ZFYVE9: variants seen among roughly 807,000 people sequenced by gnomAD.
The protein encoded by ZFYVE9 is zinc finger FYVE-type containing 9.
ZFYVE9 carries 43 observed loss-of-function variants against 126.7 expected under a neutral mutation model. The ratio of observed to expected loss-of-function variants is 0.34; its 90% CI spans 0.27 to 0.44. The LOEUF (loss-of-function observed/expected upper bound fraction) is 0.44. ZFYVE9 is among the 20% of genes least tolerant of loss of function. The pLI is 1.00. For missense variants in ZFYVE9, 1,476 were observed against 1,697.0 expected (o/e 0.87, Z 2.29); for synonymous variants, 521 against 597.4 (o/e 0.87, Z 1.87).
At chr1:52,285,084 C>T (rs566743399) in intron 10 of ZFYVE9, among the ~76,000 whole-genome samples, 1 of 152,168 alleles carries the variant, frequency 6.6e-6, no homozygotes, top group South Asian at 2.1e-4. Flanking sequence ...GTGTTAATGG[C>T]GTACCTAAAT....
At chr1:52,157,615 G>A (rs1042756297) in intron 1 of ZFYVE9, among the ~76,000 whole-genome samples, 13 of 151,698 alleles carry the variant, frequency 8.6e-5, no homozygotes, top group African/African-American at 2.9e-4. Context: ...TGTTGGCCAG[G>A]CTGGTCTTGA....
At chr1:52,175,255 C>T (rs1644614530) in intron 1 of ZFYVE9, among the ~76,000 whole-genome samples, 1 of 150,058 alleles carries the variant, frequency 6.7e-6, no homozygotes, top group African/African-American at 2.5e-5. Context: ...ATTTCTCCTT[C>T]ACTTATGAAG....
At chr1:52,345,132 A>T (rs1274579886) in intron 18 of ZFYVE9, among the ~76,000 whole-genome samples, 188 bp downstream of exon 18, 2 of 152,106 alleles carry the variant, frequency 1.3e-5, no homozygotes, top group African/African-American at 2.4e-5. Context: ...TTCTCTCAGA[A>T]CCATTTGAAC....
chr1:52,247,531 T>G (rs923418001), intron 4 of ZFYVE9, among the ~76,000 whole-genome samples: 13 of 151,768 alleles, frequency 8.6e-5, no homozygotes, highest in Middle Eastern at 3.2e-3. Context: ...GAGTCTCGCT[T>G]CGTTGCCCAG....
At position 52,263,770 on chromosome 1, in the gene ZFYVE9, C is replaced by G; in HGVS notation, c.2179-3C>G. On this transcript the variant is annotated splice_polypyrimidine_tract_variant and splice_region_variant and intron_variant, in intron 4 of 18. Transcript: ENST00000287727. ...TGTGTTCTTCCCCCCCCCCCCCCCACAGGTTTTCTGTGCTTCCTGCTGTAG... is the reference window on the plus strand; with the variant it reads ...TGTGTTCTTCCCCCCCCCCCCCCCAGAGGTTTTCTGTGCTTCCTGCTGTAG... 1 of 1,073,246 alleles carries G rather than the reference C, an allele frequency of 9.3e-7. No individual in the cohort carries two copies. The highest frequency in any genetic ancestry group is 1.3e-6 in the Non-Finnish European group (1 of 773,306). 66.5% of individuals were successfully genotyped at this position (1,073,246 alleles called of 1,614,324 possible).
At chr1:52,289,421 T>C (rs1645896003) in intron 10 of ZFYVE9, among the ~76,000 whole-genome samples, 2 of 152,222 alleles carry the variant, frequency 1.3e-5, no homozygotes, top group Admixed American at 1.3e-4. Context: ...GTAAAATTAC[T>C]TTATAAACCA....
chr1:52,182,817 A>T (rs1266611511), intron 1 of ZFYVE9, among the ~76,000 whole-genome samples: 4 of 147,686 alleles, frequency 2.7e-5, no homozygotes, highest in East Asian at 3.9e-4. Context: ...TATTTCCTTT[A>T]AAAAAAAAAT....
At position 52,278,608 on chromosome 1, in the gene ZFYVE9, G is replaced by C. The variant is rs777723199; in HGVS notation, c.2863G>C (p.Val955Leu). ...AAATTTGTTGTCAATGGTTAAAATT[G>C]TAAATTGTAAGTTATAAATTTTTAA... Reference protein sequence around the residue: ...NANLLSMVKIVNYVNRKCWCF... With the variant: ...NANLLSMVKILNYVNRKCWCF... Residue 955 changes from valine (V) to leucine (L), a missense_variant, in exon 9 of 19, where the codon GTA becomes CTA. This residue lies in a region of ZFYVE9 where 669 missense variants were observed against 902.4 expected (regional missense o/e 0.74). Coordinates refer to ENST00000287727, the MANE Select transcript of ZFYVE9 (RefSeq NM_004799.4). 6.4e-7 allele frequency: 1 copy of C among 1,562,778 alleles called. No individual in the cohort carries two copies. The highest frequency in any genetic ancestry group is 8.7e-7 in the Non-Finnish European group (1 of 1,146,524).
chr1:52,226,886 C>T (rs1283644383), intron 2 of ZFYVE9, among the ~76,000 whole-genome samples: 1 of 152,184 alleles, frequency 6.6e-6, no homozygotes, highest in Non-Finnish European at 1.5e-5. Flanking sequence ...AAGGAGGCAA[C>T]AGATGTGCAT....
At chr1:52,293,390 A>AG in intron 10 of ZFYVE9, 63 bp from the exon 11 acceptor site, 1 of 1,291,136 alleles carries the variant, frequency 7.7e-7, no homozygotes, top group African/African-American at 1.5e-5. Context: ...AAAAAAAAAA[A>AG]AAAAAAAAGA....
At chr1:52,262,712 A>G (rs992054518) in intron 4 of ZFYVE9, among the ~76,000 whole-genome samples, 2 of 152,178 alleles carry the variant, frequency 1.3e-5, no homozygotes, top group African/African-American at 4.8e-5. Context: ...AGTAGAATTT[A>G]TCCTACTGGG....
At chr1:52,234,759 T>G (rs989151792) in intron 3 of ZFYVE9, among the ~76,000 whole-genome samples, 1 of 152,216 alleles carries the variant, frequency 6.6e-6, no homozygotes, top group African/African-American at 2.4e-5. Flanking sequence ...CATTGGGGTT[T>G]TACATCATCC....
rs1646421616 is a variant in ZFYVE9, at chr1:52,340,180, A to G, written c.3888A>G (p.Ile1296Met). The G allele has an allele frequency of 1.1e-5, 18 of 1,613,964 alleles. No individual in the cohort carries two copies. The highest frequency in any genetic ancestry group is 1.5e-5 in the Non-Finnish European group (18 of 1,179,808). The change falls in exon 17 of 19, where the codon ATA (isoleucine) becomes ATG (methionine). Residue 1296 changes from isoleucine to methionine, a missense_variant. Physicochemically the swap from Ile to Met is conservative, Grantham distance 10 (BLOSUM62 1). Transcript: ENST00000287727. ...KSMETITNVK[I>M]FHGSEYKANG... ...TGGAGACTATAACAAATGTGAAGATATTCCATGGATCAGAATATAAAGCAA... is the reference window on the plus strand; with the variant it reads ...TGGAGACTATAACAAATGTGAAGATGTTCCATGGATCAGAATATAAAGCAA...
intron 2 of ZFYVE9, 87 bp downstream of exon 2, chr1:52,216,561 C>T (rs1024249320): frequency 5.0e-6 from 2 of 397,152 alleles, no homozygotes. Context: ...ATATATGTTA[C>T]TTGCATCATT....
intron 18 of ZFYVE9, among the ~76,000 whole-genome samples, chr1:52,345,305 TG>T (rs1646473868): frequency 6.6e-6 from 1 of 152,120 alleles, no homozygotes; most frequent in Non-Finnish European, 1.5e-5. Flanking sequence ...ACTTGGAACT[TG>T]GGTGTAGGCT....
chr1:52,169,539 C>T (rs781329566), intron 1 of ZFYVE9, among the ~76,000 whole-genome samples: 21 of 152,208 alleles, frequency 1.4e-4, no homozygotes, highest in South Asian at 6.2e-4. Flanking sequence ...GTAATCTCTG[C>T]GAGGGCTCAG....
At chr1:52,336,647 C>T (rs1235431155) in intron 15 of ZFYVE9, among the ~76,000 whole-genome samples, 4 of 50,632 alleles carry the variant, frequency 7.9e-5, no homozygotes, top group Non-Finnish European at 1.9e-4. Flanking sequence ...GTGTGAACCA[C>T]CACACCCAGC....
chr1:52,301,584 A>T (rs567251964), intron 12 of ZFYVE9, among the ~76,000 whole-genome samples: 1 of 152,254 alleles, frequency 6.6e-6, no homozygotes, highest in South Asian at 2.1e-4. Flanking sequence ...GATTACATGC[A>T]TGAGCCACTG....
intron 13 of ZFYVE9, among the ~76,000 whole-genome samples, chr1:52,325,276 C>G (rs1385753601): frequency 1.3e-5 from 2 of 151,770 alleles, no homozygotes; most frequent in Non-Finnish European, 2.9e-5. Flanking sequence ...TGCAGTGAGC[C>G]GAGACTGCAC....
Sources: allele counts gnomAD v4.1 joint callset (sites outside exome capture counted in the v4.1 genomes callset), GRCh38; gene constraint gnomAD v4.1.1; regional missense constraint gnomAD v4.1.1; transcripts MANE v1.5; gene names NCBI Gene and HGNC (gene_info 2026-07-23, HGNC 2026-07-21).